Variants in BBS4 observed in about 807,000 individuals in gnomAD.
BBS4 encodes the protein Bardet-Biedl syndrome 4.
In BBS4, 58 loss-of-function variants were observed where a neutral mutation model predicts 71.4. The ratio of observed to expected loss-of-function variants is 0.81; its 90% CI spans 0.66 to 1.01. The LOEUF (loss-of-function observed/expected upper bound fraction) is 1.01, where lower values mean the gene tolerates loss of function less well. Ranked by LOEUF, BBS4 falls within the 50% of genes least tolerant of loss-of-function variation. The probability of loss-of-function intolerance (pLI) is 0.00; values close to 1 mark genes in which losing one functional copy is unlikely to be tolerated. For missense variants in BBS4, 660 were observed against 607.9 expected (o/e 1.09, Z -0.90); for synonymous variants, 228 against 216.8 (o/e 1.05, Z -0.46).
intron 2 of BBS4, among the ~76,000 whole-genome samples, chr15:72,703,468 C>T (rs2065212140): frequency 6.6e-6 from 1 of 152,138 alleles, no homozygotes. Context: ...GATTTGTTAT[C>T]TCTTTTGATA....
chr15:72,711,598 T>C (rs2065373159), intron 3 of BBS4, among the ~76,000 whole-genome samples: 1 of 152,202 alleles, frequency 6.6e-6, no homozygotes, highest in Non-Finnish European at 1.5e-5. Context: ...TTAGGGTTTG[T>C]AGGCCACATA....
chr15:72,688,046 C>CAAAAAA (rs199931617), intron 1 of BBS4, among the ~76,000 whole-genome samples: 18 of 84,860 alleles, frequency 2.1e-4, no homozygotes, highest in Non-Finnish European at 2.5e-4. Flanking sequence ...GACTCCGTCT[C>CAAAAAA]AAAAAAAAAA....
intron 12 of BBS4, among the ~76,000 whole-genome samples, chr15:72,732,692 A>G (rs1209007184): frequency 6.6e-6 from 1 of 152,254 alleles, no homozygotes; most frequent in Non-Finnish European, 1.5e-5. Context: ...ATCAGAAGAC[A>G]TCTGCCACTG....
intron 8 of BBS4, among the ~76,000 whole-genome samples, chr15:72,725,596 G>T (rs951839335): frequency 6.6e-6 from 1 of 152,036 alleles, no homozygotes; most frequent in Non-Finnish European, 1.5e-5. Context: ...TCCTGATTCA[G>T]TAAAAAACAA....
chr15:72,720,773 T>G (rs904851796), intron 6 of BBS4, among the ~76,000 whole-genome samples: 2 of 152,234 alleles, frequency 1.3e-5, no homozygotes, highest in African/African-American at 2.4e-5. Context: ...GACTGTGATC[T>G]TTTCCACTGT....
intron 2 of BBS4, among the ~76,000 whole-genome samples, chr15:72,708,227 A>G (rs531458415): frequency 6.6e-6 from 1 of 152,242 alleles, no homozygotes; most frequent in Non-Finnish European, 1.5e-5. Flanking sequence ...TGGCCTCCCA[A>G]AGTGCTGGGA....
chr15:72,722,239 TACATGTATTCCATCACAGCAG>T (rs2065590005), intron 6 of BBS4, among the ~76,000 whole-genome samples: 1 of 152,190 alleles, frequency 6.6e-6, no homozygotes, highest in Middle Eastern at 3.2e-3. Flanking sequence ...TGGCTCCAAT[TACATGTATTCCATCACAGCAG>T]ACTCCAGGTG....
At chr15:72,730,330 C>T (rs973463622) in intron 10 of BBS4, among the ~76,000 whole-genome samples, 2 of 151,244 alleles carry the variant, frequency 1.3e-5, no homozygotes, top group Non-Finnish European at 2.9e-5. Context: ...GGCATGGTGG[C>T]TTATGCCTGT....
chr15:72,709,262 C>T (rs1381496953), intron 2 of BBS4, among the ~76,000 whole-genome samples: 4 of 152,310 alleles, frequency 2.6e-5, no homozygotes, highest in South Asian at 2.1e-4. Context: ...ATTTCTTAGC[C>T]GGCTGACGCT....
At position 72,735,950 on chromosome 15, in the gene BBS4, T is replaced by C. The variant is rs569462424; in HGVS notation, c.1232T>C (p.Leu411Pro). 37 of 1,614,126 alleles carry C rather than the reference T, an allele frequency of 2.3e-5. No homozygotes were observed. The South Asian group carries it at 3.5e-4, about 15-fold the overall frequency. ...KVSLLKDNSS[L>P]EFDSEMVEMA... Reference sequence around the variant, plus strand: ...AGCCTACTCAAGGACAATAGCTCTCTGGAATTTGACTCTGAGGTATGTCTT... The same window carrying C: ...AGCCTACTCAAGGACAATAGCTCTCCGGAATTTGACTCTGAGGTATGTCTT... The change falls in exon 14 of 16, where the codon CTG (leucine) becomes CCG (proline). Residue 411 changes from leucine to proline, a missense_variant. By Grantham distance (98) the Leu-to-Pro change is moderately conservative. Transcript: ENST00000268057.
At chr15:72,692,655 G>A (rs1486781831) in intron 1 of BBS4, among the ~76,000 whole-genome samples, 1 of 149,252 alleles carries the variant, frequency 6.7e-6, no homozygotes, top group East Asian at 2.0e-4. Flanking sequence ...GAGTGCAGTG[G>A]TCCAATCATG....
At chr15:72,715,577 A>C (rs1374098932) in intron 5 of BBS4, among the ~76,000 whole-genome samples, 175 bp downstream of exon 5, 1 of 152,260 alleles carries the variant, frequency 6.6e-6, no homozygotes, top group Non-Finnish European at 1.5e-5. Context: ...GAAATTTGAG[A>C]AAATGAGATA....
chr15:72,727,050 A>G (rs1975327), intron 8 of BBS4, among the ~76,000 whole-genome samples: 12,464 of 152,250 alleles, frequency 0.082, 635 homozygotes, highest in Non-Finnish European at 0.12. Context: ...GAGGGAAGTG[A>G]TCAAAGTGGA....
At chr15:72,693,571 G>C (rs2065023875) in intron 1 of BBS4, among the ~76,000 whole-genome samples, 2 of 152,188 alleles carry the variant, frequency 1.3e-5, no homozygotes, top group South Asian at 4.1e-4. Flanking sequence ...ATGTAAACAT[G>C]AGTGTGGGTA....
Position 72,738,122 on chromosome 15 carries a change from G to T in BBS4, c.*535G>T, listed in dbSNP as rs192007012. On this transcript the variant is annotated 3_prime_UTR_variant, in exon 16 of 16. Coordinates refer to ENST00000268057, the MANE Select transcript of BBS4 (RefSeq NM_033028.5). Reference sequence around the variant, plus strand: ...AAAAAAAACAAAAGCCCTGGAAGTTGAGGCCAAGCCTGCTGAGTATTGCAG... The same window carrying T: ...AAAAAAAACAAAAGCCCTGGAAGTTTAGGCCAAGCCTGCTGAGTATTGCAG... The T allele has an allele frequency of 2.2e-5, 10 of 452,916 alleles. No homozygotes were observed. Among genetic ancestry groups the T allele is most frequent in the South Asian group, 1.1e-4 (7 of 64,182 alleles). 28.1% of individuals were successfully genotyped at this position (452,916 alleles called of 1,614,324 possible). A position where few individuals can be genotyped will look rare whatever the true frequency, so the allele number is the denominator to read the frequency against.
intron 13 of BBS4, 184 bp from the exon 14 acceptor site, chr15:72,735,641 T>C: frequency 2.6e-6 from 2 of 771,868 alleles, no homozygotes; most frequent in Non-Finnish European, 4.4e-6. Flanking sequence ...CAGCTTTGCT[T>C]GTTAGGCCAT....
chr15:72,708,852 G>T (rs987462323), intron 2 of BBS4, among the ~76,000 whole-genome samples: 1 of 152,006 alleles, frequency 6.6e-6, no homozygotes, highest in African/African-American at 2.4e-5. Context: ...TTATTAGGGT[G>T]GGGAAAAAAC....
intron 2 of BBS4, among the ~76,000 whole-genome samples, chr15:72,707,779 T>A (rs774944383): frequency 3.9e-5 from 6 of 152,192 alleles, no homozygotes; most frequent in Non-Finnish European, 7.3e-5. Flanking sequence ...TATTTTAAAC[T>A]TCTGATTTCA....
intron 1 of BBS4, among the ~76,000 whole-genome samples, chr15:72,688,389 CT>C (rs2064913724): frequency 8.4e-6 from 1 of 118,740 alleles, no homozygotes; most frequent in African/African-American, 2.9e-5. Flanking sequence ...AATTTCTGTC[CT>C]TTTAGGAAGT....
Sources: allele counts gnomAD v4.1 joint callset (sites outside exome capture counted in the v4.1 genomes callset), GRCh38; gene constraint gnomAD v4.1.1; transcripts MANE v1.5; gene names NCBI Gene and HGNC (gene_info 2026-07-23, HGNC 2026-07-21).